DENND1B: variants seen among roughly 807,000 people sequenced by gnomAD.
The protein encoded by DENND1B is DENN domain-containing protein 1B.
DENND1B carries 59 observed loss-of-function variants against 90.1 expected under a neutral mutation model. That is an observed-to-expected ratio of 0.65 (90% CI 0.53 to 0.81). The LOEUF (loss-of-function observed/expected upper bound fraction) is 0.81, where lower values mean the gene tolerates loss of function less well. DENND1B is among the 40% of genes least tolerant of loss of function. The pLI, the probability that DENND1B is intolerant of heterozygous loss-of-function variation, is 0.00. For missense variants in DENND1B, 862 were observed against 912.6 expected (o/e 0.94, Z 0.71); for synonymous variants, 337 against 324.6 (o/e 1.04, Z -0.41).
intron 10 of DENND1B, among the ~76,000 whole-genome samples, chr1:197,619,042 AT>A (rs1351926810): frequency 6.6e-6 from 1 of 151,100 alleles, no homozygotes; most frequent in Non-Finnish European, 1.5e-5. Flanking sequence ...TATGTATTAT[AT>A]TTTTTCCAGT....
chr1:197,578,043 T>C (rs538241652), intron 15 of DENND1B, among the ~76,000 whole-genome samples: 1 of 152,200 alleles, frequency 6.6e-6, no homozygotes, highest in East Asian at 1.9e-4. Context: ...AAAGCAAGGA[T>C]AGTTGGTAGC....
chr1:197,567,300 A>G (rs1291093688), intron 15 of DENND1B, among the ~76,000 whole-genome samples: 1 of 152,102 alleles, frequency 6.6e-6, no homozygotes, highest in Non-Finnish European at 1.5e-5. Flanking sequence ...ACAACCTATC[A>G]AAACTGAATT....
chr1:197,751,886 A>AGGGAGGAGGAGGAGGAGGAG (rs1428275285), intron 2 of DENND1B, among the ~76,000 whole-genome samples: 11 of 132,776 alleles, frequency 8.3e-5, no homozygotes, highest in Non-Finnish European at 1.8e-4. Context: ...GAGGAGGAGG[A>AGGGAGGAGGAGGAGGAGGAG]GGGAGGAGGA....
chr1:197,556,385 A>G (rs1455385144), intron 15 of DENND1B, among the ~76,000 whole-genome samples: 1 of 152,118 alleles, frequency 6.6e-6, no homozygotes, highest in East Asian at 1.9e-4. Flanking sequence ...CTATTAATGG[A>G]AAAATGTGGT....
At chr1:197,615,002 C>A (rs964902831) in intron 11 of DENND1B, among the ~76,000 whole-genome samples, 1 of 150,984 alleles carries the variant, frequency 6.6e-6, no homozygotes, top group Non-Finnish European at 1.5e-5. Context: ...CAGATGGTGT[C>A]ATTTCCTCCC....
At chr1:197,626,571 G>C (rs1255480439) in intron 10 of DENND1B, among the ~76,000 whole-genome samples, 1 of 152,118 alleles carries the variant, frequency 6.6e-6, no homozygotes. Flanking sequence ...TCAAGAGAAA[G>C]CAGGAAAGAT....
chr1:197,775,091 G>A, intron 1 of DENND1B, 48 bp downstream of exon 1: 2 of 1,208,660 alleles, frequency 1.7e-6, no homozygotes, highest in Non-Finnish European at 2.1e-6. Context: ...CCTGGGAGGG[G>A]CCGCCGAGGG....
chr1:197,690,079 C>T (rs756598264), intron 3 of DENND1B: 5 of 192,860 alleles, frequency 2.6e-5, no homozygotes, highest in Non-Finnish European at 4.3e-5. Context: ...ATTCTCAAAC[C>T]CAGCATGTGG....
At chr1:197,543,204 G>A (rs999466353) in intron 18 of DENND1B, among the ~76,000 whole-genome samples, 2 of 152,126 alleles carry the variant, frequency 1.3e-5, no homozygotes, top group Non-Finnish European at 2.9e-5. Context: ...CAGGTGCTGG[G>A]ATTACAGGTG....
intron 2 of DENND1B, chr1:197,734,751 T>C (rs1662478575): frequency 1.0e-6 from 1 of 983,344 alleles, no homozygotes. Context: ...ACATACTCCA[T>C]AGAGTAATAT....
intron 11 of DENND1B, among the ~76,000 whole-genome samples, chr1:197,612,703 A>G (rs1016298980): frequency 2.0e-5 from 3 of 150,744 alleles, no homozygotes; most frequent in African/African-American, 7.3e-5. Context: ...AATTAATTCA[A>G]CACATGATAT....
At chr1:197,627,883 T>C (rs540515129) in intron 10 of DENND1B, among the ~76,000 whole-genome samples, 36 of 151,654 alleles carry the variant, frequency 2.4e-4, no homozygotes, top group African/African-American at 8.4e-4. Context: ...TATACACCAA[T>C]AACAGACAGA....
In DENND1B at chr1:197,775,133, A is replaced by G; in HGVS notation, c.17+6T>C. ...GCCCCCGACGCGCCCGGGCCCCCCC[A>G]CTCACTTGGTCCTGCAGTCCATGGT... is the stretch of plus-strand genomic sequence containing the variant. On this transcript the variant is annotated splice_donor_region_variant and intron_variant, in intron 1 of 22. Transcript: ENST00000620048. 7.7e-7 allele frequency: 1 copy of G among 1,292,952 alleles called. No homozygotes were observed. The allele number at this position is 1,292,952 out of a possible 1,614,324, so 80.1% of individuals were successfully genotyped here.
intron 15 of DENND1B, among the ~76,000 whole-genome samples, chr1:197,572,127 G>A (rs1227859123): frequency 6.6e-6 from 1 of 152,178 alleles, no homozygotes. Flanking sequence ...CCGCACCCGG[G>A]AAGCACAAGG....
chr1:197,600,296 A>G (rs1379689274), intron 13 of DENND1B, among the ~76,000 whole-genome samples: 3 of 151,836 alleles, frequency 2.0e-5, no homozygotes, highest in Admixed American at 2.0e-4. Context: ...GGAAATCTTA[A>G]GTTTGGACTG....
chr1:197,540,866 T>G (rs554069511), intron 19 of DENND1B, 93 bp downstream of exon 19: 1 of 1,199,770 alleles, frequency 8.3e-7, no homozygotes, highest in East Asian at 2.4e-5. Context: ...ATATTTCAAA[T>G]GTCATTAAAA....
At chr1:197,539,843 C>T (rs556488259) in intron 20 of DENND1B, 121 bp downstream of exon 20, 2 of 767,830 alleles carry the variant, frequency 2.6e-6, no homozygotes, top group South Asian at 3.5e-5. Flanking sequence ...CTCCCCTTGA[C>T]CAATACTGCA....
intron 14 of DENND1B, 54 bp downstream of exon 14, chr1:197,595,154 T>C (rs1675571143): frequency 6.4e-6 from 10 of 1,557,624 alleles, no homozygotes; most frequent in Non-Finnish European, 8.6e-6. Context: ...TTCTGTCTCA[T>C]TCCAAAGAAC....
chr1:197,663,575 T>C (rs192130648), intron 5 of DENND1B, among the ~76,000 whole-genome samples: 30 of 152,220 alleles, frequency 2.0e-4, no homozygotes, highest in Admixed American at 2.6e-4. Flanking sequence ...CCAAATCTGA[T>C]ATAATTCACT....
Sources: gnomAD v4.1 joint callset for allele counts (sites outside exome capture counted in the v4.1 genomes callset) on GRCh38, gnomAD v4.1.1 for gene constraint, MANE v1.5 for transcripts, NCBI Gene and HGNC (gene_info 2026-07-23, HGNC 2026-07-21) for gene names.